The following CPB2 variants were observed in gnomAD, a reference collection of about 807,000 sequenced individuals.
CPB2 encodes the protein carboxypeptidase B-like protein.
A neutral mutation model predicts 57.0 loss-of-function variants in CPB2; 54 were observed. That is an observed-to-expected ratio of 0.95 (90% CI 0.76 to 1.19). The LOEUF is 1.19. Ranked by LOEUF, CPB2 falls within the 50% of genes most tolerant of loss-of-function variation. The pLI is 0.00. For missense variants in CPB2, 426 were observed against 512.0 expected, an observed-to-expected ratio of 0.83 and a Z score of 1.62; for synonymous variants, 189 against 178.1, an observed-to-expected ratio of 1.06 and a Z score of -0.49.
At chr13:46,095,005 A>G (rs756284401) in intron 1 of CPB2, 1 of 152,180 alleles carries the variant, frequency 6.6e-6, no homozygotes, top group Admixed American at 6.5e-5. Context: ...TTCCTCAGGT[A>G]AGTCTGCACC....
rs1261972170 is a variant in CPB2, at chr13:46,058,166, A to G, written c.999+13T>C. ...CAAAATGCTAATGAGAAAAATAATT[A>G]AGTAGCACTTACCAGTTCCTCATGG... On this transcript the variant is annotated intron_variant, in intron 9 of 10. Coordinates refer to ENST00000181383, the MANE Select transcript of CPB2 (RefSeq NM_001872.5). The G allele has an allele frequency of 6.3e-7, 1 of 1,599,444 alleles. No individual in the cohort carries two copies. The highest frequency in any genetic ancestry group is 2.2e-5 in the East Asian group (1 of 44,826).
At chr13:46,067,063 A>G (rs187111890) in intron 7 of CPB2, among the ~76,000 whole-genome samples, 375 of 152,148 alleles carry the variant, frequency 2.5e-3, no homozygotes, top group African/African-American at 8.7e-3. Flanking sequence ...GTGGGTAGAG[A>G]GAATACAGAT....
chr13:46,066,165 C>T (rs2044851861), intron 7 of CPB2, among the ~76,000 whole-genome samples: 1 of 152,146 alleles, frequency 6.6e-6, no homozygotes, highest in South Asian at 2.1e-4. Flanking sequence ...ACCAACTAAT[C>T]TTATTCCTCT....
chr13:46,065,593 C>T (rs543074486), intron 7 of CPB2, among the ~76,000 whole-genome samples: 18 of 138,258 alleles, frequency 1.3e-4, no homozygotes, highest in African/African-American at 4.9e-4. Context: ...TGCCACTGCA[C>T]TCCAGCCTGG....
intron 1 of CPB2, among the ~76,000 whole-genome samples, chr13:46,096,857 G>A (rs962598584): frequency 2.0e-5 from 3 of 152,140 alleles, no homozygotes; most frequent in East Asian, 1.9e-4. Context: ...GAGGGAAATC[G>A]TCCCAAATAG....
intron 2 of CPB2, among the ~76,000 whole-genome samples, chr13:46,087,121 C>G (rs1268107446): frequency 1.3e-5 from 2 of 151,986 alleles, no homozygotes; most frequent in African/African-American, 4.8e-5. Context: ...CTCCTGGCCC[C>G]CAAGAGCACA....
At chr13:46,094,747 A>G (rs531139419) in intron 1 of CPB2, 1 of 152,184 alleles carries the variant, frequency 6.6e-6, no homozygotes, top group Non-Finnish European at 1.5e-5. Flanking sequence ...GCAGCCAACA[A>G]AAGGATTGCT....
intron 6 of CPB2, among the ~76,000 whole-genome samples, chr13:46,068,461 T>C (rs909595691): frequency 6.6e-6 from 1 of 152,212 alleles, no homozygotes; most frequent in Admixed American, 6.5e-5. Context: ...TATTTTAAAA[T>C]CTACTGTAGG....
chr13:46,055,705 C>T, intron 10 of CPB2, 57 bp downstream of exon 10: 1 of 1,015,638 alleles, frequency 9.8e-7, no homozygotes, highest in Non-Finnish European at 1.5e-6. Flanking sequence ...AAAAACAGAT[C>T]ACACAGATTT....
At chr13:46,079,552 A>G (rs955994754) in intron 4 of CPB2, among the ~76,000 whole-genome samples, 7 of 58,280 alleles carry the variant, frequency 1.2e-4, no homozygotes, top group East Asian at 1.2e-3. Context: ...AAAAAAAAAA[A>G]AAAGAAAAGA....
chr13:46,079,548 AAAAAAAAG>A (rs1366553252), intron 4 of CPB2, among the ~76,000 whole-genome samples: 63 of 147,574 alleles, frequency 4.3e-4, no homozygotes, highest in African/African-American at 1.5e-3. Context: ...AAAAAAAAAA[AAAAAAAAG>A]AAAAGAAAAG....
In CPB2 at chr13:46,063,808, C is replaced by T. The variant is rs374975079; in HGVS notation, c.796+840G>A. ...ACATCATCGAATGCCTTAACTCATTCGAATTAAGAAATAATAAATTCCCAC... is the reference window on the plus strand; with the variant it reads ...ACATCATCGAATGCCTTAACTCATTTGAATTAAGAAATAATAAATTCCCAC... On this transcript the variant is annotated intron_variant, in intron 8 of 10. Transcript: ENST00000181383. Among the ~76,000 whole-genome samples, 6 of 151,950 alleles carry T rather than the reference C, an allele frequency of 3.9e-5. No individual in the cohort carries two copies. In the South Asian group the frequency reaches 6.2e-4, roughly 16 times the overall value.
intron 6 of CPB2, among the ~76,000 whole-genome samples, chr13:46,071,934 G>T (rs2044948596): frequency 6.6e-6 from 1 of 152,174 alleles, no homozygotes; most frequent in Non-Finnish European, 1.5e-5. Flanking sequence ...TTGGCAGGAG[G>T]TTAGCAGTGA....
intron 1 of CPB2, among the ~76,000 whole-genome samples, chr13:46,104,034 G>T (rs1170253221): frequency 1.3e-5 from 2 of 152,178 alleles, no homozygotes; most frequent in Non-Finnish European, 2.9e-5. Context: ...TACAAACACA[G>T]CTTCAGGCTC....
At chr13:46,082,314 C>A in intron 4 of CPB2, 127 bp downstream of exon 4, 1 of 542,110 alleles carries the variant, frequency 1.8e-6, no homozygotes, top group South Asian at 2.9e-5. Context: ...TTTAATTAAC[C>A]TAAGTGTGTT....
chr13:46,097,248 G>A (rs1159926013), intron 1 of CPB2: 1 of 152,264 alleles, frequency 6.6e-6, no homozygotes, highest in East Asian at 1.9e-4. Context: ...TGGCAGAGAT[G>A]AAGTGTGCAT....
In CPB2 at chr13:46,055,808, A is replaced by G. The variant is rs1265538677; in HGVS notation, c.1041T>C (p.Ile347=). The G allele has an allele frequency of 1.2e-6, 2 of 1,605,432 alleles. No individual in the cohort carries two copies. The highest frequency in any genetic ancestry group is 1.7e-5 in the Admixed American group (1 of 59,466). ...CATGTGTATACCTGGTATTTTTACT[A>G]ATTTTCTCAATAGCACGAACTGCTT... ...ASEAVRAIEK[I]SKNTRYTHGH... is the part of the protein sequence containing the mutation. Residue 347 remains isoleucine, a synonymous_variant, in exon 10 of 11, where the codon ATT becomes ATC. Transcript: ENST00000181383.
At chr13:46,053,877 GTTTAT>G (rs1333680030) in intron 10 of CPB2, 79 bp from the exon 11 acceptor site, 2 of 1,396,004 alleles carry the variant, frequency 1.4e-6, no homozygotes, top group Non-Finnish European at 2.0e-6. Flanking sequence ...TGATTTAAAT[GTTTAT>G]TTGTTTGTAT....
At chr13:46,102,896 T>C (rs1338535048) in intron 1 of CPB2, among the ~76,000 whole-genome samples, 1 of 152,200 alleles carries the variant, frequency 6.6e-6, no homozygotes, top group African/African-American at 2.4e-5. Context: ...AAGTATTAAA[T>C]ATTTTTAATG....
Sources: gnomAD v4.1 joint callset for allele counts (sites outside exome capture counted in the v4.1 genomes callset) on GRCh38, gnomAD v4.1.1 for gene constraint, MANE v1.5 for transcripts, NCBI Gene and HGNC (gene_info 2026-07-23, HGNC 2026-07-21) for gene names.